The following OPCML variants were observed in gnomAD, a reference collection of about 807,000 sequenced individuals.
OPCML encodes opioid binding protein/cell adhesion molecule like, also known as opioid-binding protein/cell adhesion molecule.
In OPCML, 13 loss-of-function variants were observed where a neutral mutation model predicts 37.8. The ratio of observed to expected loss-of-function variants is 0.34; its 90% CI spans 0.22 to 0.55. The LOEUF (loss-of-function observed/expected upper bound fraction) is 0.55, where lower values mean the gene tolerates loss of function less well. OPCML is among the 20% of genes least tolerant of loss of function. The pLI, the probability that OPCML is intolerant of heterozygous loss-of-function variation, is 0.91. For synonymous variants in OPCML, 176 were observed against 168.8 expected (o/e 1.04, Z -0.33); for missense variants, 341 against 435.6 (o/e 0.78, Z 1.93).
intron 1 of OPCML, among the ~76,000 whole-genome samples, chr11:133,483,646 A>T (rs936203050): frequency 4.0e-5 from 6 of 149,724 alleles, no homozygotes; most frequent in Admixed American, 4.0e-4. Flanking sequence ...ATAATAGATT[A>T]GGTAGATAGA....
In OPCML at chr11:133,194,205, CTT is replaced by C. The variant is rs34797390; in HGVS notation, c.62-251197_62-251196del. Among the ~76,000 whole-genome samples, 284 of 106,940 alleles carry C rather than the reference CTT, an allele frequency of 2.7e-3. 1 individual carries two copies. The highest frequency in any genetic ancestry group is 8.2e-3 in the African/African-American group (210 of 25,708). 70.2% of individuals were successfully genotyped at this position (106,940 alleles called of 152,430 possible). A position where few individuals can be genotyped will look rare whatever the true frequency, so the allele number is the denominator to read the frequency against. On this transcript the variant is annotated intron_variant, in intron 1 of 7. Transcript: ENST00000524381. ...TTCCCTTCCCTTTCCCCTTCCCCCA[CTT>C]TTTTTTTTTTTTTTTTTTTGAGATG... is the stretch of plus-strand genomic sequence containing the variant.
chr11:132,693,874 G>A (rs190593258), intron 2 of OPCML, among the ~76,000 whole-genome samples: 2 of 152,172 alleles, frequency 1.3e-5, no homozygotes, highest in Admixed American at 1.3e-4. Flanking sequence ...ATCTGGACAC[G>A]AGTCTCTGAG....
chr11:133,482,727 G>T (rs947076916), intron 1 of OPCML, among the ~76,000 whole-genome samples: 8 of 151,964 alleles, frequency 5.3e-5, no homozygotes, highest in African/African-American at 1.9e-4. Context: ...CTTATTATAT[G>T]GAGAAAAATA....
At chr11:132,698,301 C>T (rs1290500813) in intron 2 of OPCML, among the ~76,000 whole-genome samples, 1 of 152,142 alleles carries the variant, frequency 6.6e-6, no homozygotes, top group African/African-American at 2.4e-5. Context: ...TCCTCTCCAA[C>T]ACTGATCTTT....
At chr11:133,026,123 A>G in intron 1 of OPCML, 1 of 980,592 alleles carries the variant, frequency 1.0e-6, no homozygotes, top group Non-Finnish European at 1.2e-6. Context: ...TGTTGCACAT[A>G]ATAACTATTA....
intron 1 of OPCML, among the ~76,000 whole-genome samples, chr11:133,197,124 T>A (rs765111980): frequency 2.7e-4 from 41 of 152,242 alleles, no homozygotes; most frequent in Non-Finnish European, 4.8e-4. Flanking sequence ...TTGAAACACC[T>A]ATAAAATATT....
Position 132,687,387 on chromosome 11 carries a change from T to C in OPCML, c.147-30068A>G, listed in dbSNP as rs1309789713. ...TAAGCTACATATATATATATATATA[T>C]ATATATATATATATATATATATATA... On this transcript the variant is annotated intron_variant, in intron 2 of 7. Transcript: ENST00000524381. 5.3e-4 allele frequency among the ~76,000 whole-genome samples: 20 copies of C among 37,908 alleles called. 2 individuals carry two copies. Among genetic ancestry groups the C allele is most frequent in the African/African-American group, 2.6e-3 (17 of 6,630 alleles). The allele number at this position is 37,908 out of a possible 152,430, so 24.9% of individuals were successfully genotyped here.
chr11:132,458,252 A>G (rs1342889240), intron 4 of OPCML, among the ~76,000 whole-genome samples: 2 of 152,096 alleles, frequency 1.3e-5, no homozygotes, highest in African/African-American at 4.8e-5. Flanking sequence ...ATACCTCAGA[A>G]CCCCACTCGG....
chr11:133,371,072 C>T (rs913274468), intron 1 of OPCML, among the ~76,000 whole-genome samples: 11 of 152,136 alleles, frequency 7.2e-5, no homozygotes, highest in African/African-American at 1.9e-4. Context: ...TGAAAAAATG[C>T]TCAACATCAT....
At chr11:132,682,395 C>T (rs1019258874) in intron 2 of OPCML, among the ~76,000 whole-genome samples, 1 of 152,174 alleles carries the variant, frequency 6.6e-6, no homozygotes, top group African/African-American at 2.4e-5. Context: ...TGTTTTATAA[C>T]ATATCATCTT....
chr11:132,813,801 G>C (rs114196065), intron 2 of OPCML, among the ~76,000 whole-genome samples: 25 of 151,978 alleles, frequency 1.6e-4, no homozygotes, highest in African/African-American at 5.8e-4. Context: ...TGCTTCCCCC[G>C]GTGTATTGCT....
At chr11:132,613,558 C>T (rs11223146) in intron 3 of OPCML, among the ~76,000 whole-genome samples, 49,136 of 152,020 alleles carry the variant, frequency 0.32, 9,880 homozygotes, top group Non-Finnish European at 0.46. Context: ...CAAAGAAAAC[C>T]GAGGAAATAG....
At chr11:133,420,100 AT>A in intron 1 of OPCML, 2 of 253,336 alleles carry the variant, frequency 7.9e-6, no homozygotes, top group Non-Finnish European at 1.2e-5. Flanking sequence ...TGGATTCCTT[AT>A]TTGAAAATAC....
chr11:133,428,214 G>A (rs905927556), intron 1 of OPCML, among the ~76,000 whole-genome samples: 2 of 152,026 alleles, frequency 1.3e-5, no homozygotes, highest in African/African-American at 2.4e-5. Context: ...GACAAACCTC[G>A]ACTTTTTCTT....
chr11:132,619,388 T>G (rs1939255005), intron 3 of OPCML, among the ~76,000 whole-genome samples: 1 of 152,218 alleles, frequency 6.6e-6, no homozygotes, highest in South Asian at 2.1e-4. Flanking sequence ...ATGTTCACTA[T>G]TTTATTTCTA....
intron 2 of OPCML, among the ~76,000 whole-genome samples, chr11:132,786,698 T>TA (rs999560785): frequency 2.3e-4 from 34 of 150,870 alleles, no homozygotes; most frequent in Admixed American, 4.6e-4. Flanking sequence ...TGTAGGTGTT[T>TA]AAAAAAAAAA....
chr11:133,440,941 A>G (rs1946354405), intron 1 of OPCML, among the ~76,000 whole-genome samples: 1 of 150,994 alleles, frequency 6.6e-6, no homozygotes, highest in South Asian at 2.1e-4. Flanking sequence ...GTAAATATAT[A>G]AATAATATAA....
chr11:132,957,214 G>C (rs1450121988), intron 1 of OPCML, among the ~76,000 whole-genome samples: 3 of 152,176 alleles, frequency 2.0e-5, no homozygotes, highest in Non-Finnish European at 4.4e-5. Flanking sequence ...ATGCAGTTCA[G>C]AAGACTGGGA....
intron 1 of OPCML, among the ~76,000 whole-genome samples, chr11:133,330,451 G>A (rs902848722): frequency 6.6e-5 from 10 of 152,066 alleles, no homozygotes; most frequent in Admixed American, 2.6e-4. Context: ...GTCCAACAAC[G>A]ATAGACTGGA....
Sources: allele counts gnomAD v4.1 joint callset (sites outside exome capture counted in the v4.1 genomes callset), GRCh38; gene constraint gnomAD v4.1.1; transcripts MANE v1.5; gene names NCBI Gene and HGNC (gene_info 2026-07-23, HGNC 2026-07-21).